Variants in CUBN observed in about 807,000 individuals in gnomAD.
CUBN encodes 460 kDa receptor.
A neutral mutation model predicts 405.3 loss-of-function variants in CUBN; 282 were observed. That is an observed-to-expected ratio of 0.70 (90% confidence interval 0.63 to 0.77). The LOEUF is 0.77. Among genes scored for constraint, CUBN ranks in the 30% least tolerant of loss-of-function variants. The pLI, the probability that CUBN is intolerant of heterozygous loss-of-function variation, is 0.00. For synonymous variants in CUBN, 1,684 were observed against 1,617.0 expected (o/e 1.04, Z -0.99); for missense variants, 4,514 against 4,475.2 (o/e 1.01, Z -0.25).
At chr10:17,050,905 C>A (rs1835250306) in intron 22 of CUBN, among the ~76,000 whole-genome samples, 1 of 152,010 alleles carries the variant, frequency 6.6e-6, no homozygotes, top group South Asian at 2.1e-4. Flanking sequence ...TATGCAGATA[C>A]AAAGTAATCA....
intron 56 of CUBN, among the ~76,000 whole-genome samples, chr10:16,882,394 A>G (rs559400275): frequency 6.6e-6 from 1 of 152,236 alleles, no homozygotes; most frequent in Non-Finnish European, 1.5e-5. Context: ...TTTAAAACAT[A>G]TTCATCGTTT....
chr10:16,959,124 C>T (rs1843150829), intron 31 of CUBN, among the ~76,000 whole-genome samples: 1 of 152,122 alleles, frequency 6.6e-6, no homozygotes, highest in African/African-American at 2.4e-5. Context: ...AAGGCCATAC[C>T]TCCTGACACT....
At chr10:17,103,353 T>C (rs1836542985) in intron 12 of CUBN, 116 bp from the exon 13 acceptor site, 5 of 715,184 alleles carry the variant, frequency 7.0e-6, no homozygotes, top group Admixed American at 2.0e-5. Flanking sequence ...AGGTTGGAGA[T>C]AAAAGCCCTG....
At chr10:17,076,626 G>A (rs1421835553) in intron 17 of CUBN, among the ~76,000 whole-genome samples, 1 of 152,060 alleles carries the variant, frequency 6.6e-6, no homozygotes, top group African/African-American at 2.4e-5. Context: ...ACTGCCATAC[G>A]GAGAATTAAT....
intron 14 of CUBN, among the ~76,000 whole-genome samples, chr10:17,089,788 G>C (rs1836212153): frequency 6.6e-6 from 1 of 152,154 alleles, no homozygotes; most frequent in Admixed American, 6.5e-5. Flanking sequence ...AATACGACAA[G>C]TGAATAAGGT....
intron 27 of CUBN, among the ~76,000 whole-genome samples, chr10:17,032,997 T>C (rs17431739): frequency 0.038 from 5,853 of 152,166 alleles, 219 homozygotes; most frequent in South Asian, 0.21. Context: ...AGACCTGGAG[T>C]TCTCTCTCCC....
intron 54 of CUBN, among the ~76,000 whole-genome samples, chr10:16,898,221 C>G (rs1163477737): frequency 6.6e-6 from 1 of 151,962 alleles, no homozygotes; most frequent in Non-Finnish European, 1.5e-5. Context: ...ACTTTAAATT[C>G]CAAGTACTTA....
intron 53 of CUBN, 151 bp downstream of exon 53, chr10:16,900,474 T>C (rs541885390): frequency 2.3e-5 from 16 of 702,940 alleles, no homozygotes; most frequent in South Asian, 6.3e-5. Context: ...GGTATTGATA[T>C]TGTGTTATCC....
intron 63 of CUBN, 107 bp downstream of exon 63, chr10:16,836,128 T>C: frequency 1.8e-6 from 2 of 1,138,066 alleles, no homozygotes. Flanking sequence ...TGTTAACAAA[T>C]CCTAATTTAC....
chr10:16,954,404 C>G lies in CUBN; in HGVS notation c.4840G>C (p.Ala1614Pro). The G allele has an allele frequency of 1.2e-6, 2 of 1,614,126 alleles. No homozygotes were observed. ...GPSRQNRGFRAQFRQACGGHI... is the reference protein window; with the variant it reads ...GPSRQNRGFRPQFRQACGGHI... Reference sequence around the variant, plus strand: ...GGGTACTTGCCTTGCCTGAATTGAGCTCGGAAGCCTCTGTTCTGTCTGGAA... The same window carrying G: ...GGGTACTTGCCTTGCCTGAATTGAGGTCGGAAGCCTCTGTTCTGTCTGGAA... Residue 1614 changes from alanine (A) to proline (P), a missense_variant, in exon 32 of 67, where the codon GCT becomes CCT. Physicochemically the swap from Ala to Pro is conservative, Grantham distance 27. Around this residue, in one of 5 missense-constraint regions of CUBN, gnomAD observed 1,613 missense variants for 1,542.8 expected, o/e 1.05. Transcript: ENST00000377833.
intron 28 of CUBN, among the ~76,000 whole-genome samples, chr10:17,007,311 T>C (rs1309434596): frequency 6.6e-6 from 1 of 151,928 alleles, no homozygotes; most frequent in Non-Finnish European, 1.5e-5. Context: ...ATTTCCAGGG[T>C]GGGGCCCTCT....
chr10:17,057,992 C>T (rs144792512), intron 22 of CUBN, among the ~76,000 whole-genome samples: 19 of 151,938 alleles, frequency 1.3e-4, no homozygotes, highest in African/African-American at 3.4e-4. Flanking sequence ...CATGGTGGCG[C>T]GCACCTGTAA....
At chr10:17,088,425 GA>G in intron 14 of CUBN, 80 bp from the exon 15 acceptor site, 1 of 1,202,550 alleles carries the variant, frequency 8.3e-7, no homozygotes, top group East Asian at 2.4e-5. Flanking sequence ...CTTGGCGTAA[GA>G]AGCCAAACTT....
chr10:16,935,478 A>T (rs549006851), intron 39 of CUBN, among the ~76,000 whole-genome samples: 1 of 152,116 alleles, frequency 6.6e-6, no homozygotes, highest in Non-Finnish European at 1.5e-5. Flanking sequence ...GCTCCTGGAG[A>T]GTAGAGATTG....
chr10:17,000,436 C>T (rs1024383525), intron 28 of CUBN, among the ~76,000 whole-genome samples: 4 of 152,166 alleles, frequency 2.6e-5, no homozygotes, highest in Middle Eastern at 3.2e-3. Flanking sequence ...CCCCTCCGCC[C>T]CAACCCACAT....
At chr10:16,864,589 G>A (rs575542641) in intron 59 of CUBN, among the ~76,000 whole-genome samples, 45 of 151,212 alleles carry the variant, frequency 3.0e-4, no homozygotes, top group Admixed American at 2.2e-3. Flanking sequence ...TTCTAAAGCC[G>A]TATCACCAAG....
At chr10:16,882,933 G>C (rs1031400237) in intron 56 of CUBN, among the ~76,000 whole-genome samples, 2 of 152,080 alleles carry the variant, frequency 1.3e-5, no homozygotes, top group African/African-American at 4.8e-5. Context: ...AGAATTGCTT[G>C]AACCTGGGAA....
intron 31 of CUBN, among the ~76,000 whole-genome samples, chr10:16,969,669 A>C (rs956401447): frequency 6.6e-6 from 1 of 151,958 alleles, no homozygotes; most frequent in Admixed American, 6.6e-5. Flanking sequence ...TCCATTTTTA[A>C]ATGTTCATTT....
chr10:16,840,235 A>C, intron 62 of CUBN, 95 bp downstream of exon 62: 2 of 1,141,458 alleles, frequency 1.8e-6, no homozygotes, highest in Non-Finnish European at 2.6e-6. Flanking sequence ...AAAAAAAAGA[A>C]AATTATTTCA....
Sources: allele counts gnomAD v4.1 joint callset (sites outside exome capture counted in the v4.1 genomes callset), GRCh38; gene constraint gnomAD v4.1.1; regional missense constraint gnomAD v4.1.1; transcripts MANE v1.5; gene names NCBI Gene and HGNC (gene_info 2026-07-23, HGNC 2026-07-21).